SCOC: variants seen among roughly 807,000 people sequenced by gnomAD.
SCOC encodes short coiled-coil protein.
Under a neutral mutation model 9.9 loss-of-function variants are expected in SCOC, and 7 were observed. The observed-to-expected ratio is 0.71, with a 90% CI of 0.40 to 1.33. SCOC has a LOEUF of 1.33. Among genes scored for constraint, SCOC ranks in the 40% most tolerant of loss-of-function variants. SCOC has a pLI of 0.01. For synonymous variants in SCOC, 19 were observed against 28.2 expected (o/e 0.67, Z 1.03); for missense variants, 66 against 89.7 (o/e 0.74, Z 1.07).
intron 1 of SCOC, among the ~76,000 whole-genome samples, chr4:140,281,844 A>T (rs1405535383): frequency 2.6e-5 from 4 of 152,002 alleles, no homozygotes; most frequent in African/African-American, 9.7e-5. Flanking sequence ...GCGAGGGGGG[A>T]CCCTAGTATC....
intron 1 of SCOC, among the ~76,000 whole-genome samples, chr4:140,298,962 C>T (rs1731732517): frequency 1.3e-5 from 2 of 152,064 alleles, no homozygotes; most frequent in Admixed American, 6.5e-5. Context: ...ACCACAGGCA[C>T]ACACTGAAAT....
chr4:140,262,746 A>T (rs1578751545), intron 1 of SCOC, among the ~76,000 whole-genome samples: 1 of 152,090 alleles, frequency 6.6e-6, no homozygotes, highest in Non-Finnish European at 1.5e-5. Flanking sequence ...TTGGCTGGGG[A>T]GGCCTCAGGA....
At chr4:140,297,829 G>C (rs890766654) in intron 1 of SCOC, among the ~76,000 whole-genome samples, 1 of 152,126 alleles carries the variant, frequency 6.6e-6, no homozygotes, top group Non-Finnish European at 1.5e-5. Context: ...TACAAGACTC[G>C]TTAACTTCCT....
At chr4:140,287,583 A>G (rs975770992) in intron 1 of SCOC, among the ~76,000 whole-genome samples, 1 of 152,034 alleles carries the variant, frequency 6.6e-6, no homozygotes, top group Admixed American at 6.6e-5. Context: ...GCACATGCAT[A>G]TACCATATAT....
At chr4:140,304,580 A>G (rs757901909) in intron 1 of SCOC, among the ~76,000 whole-genome samples, 18 of 152,226 alleles carry the variant, frequency 1.2e-4, no homozygotes, top group Non-Finnish European at 2.6e-4. Flanking sequence ...TAAGCAACAG[A>G]TACTAATGTC....
At chr4:140,274,590 C>A (rs1186508553) in intron 1 of SCOC, among the ~76,000 whole-genome samples, 1 of 152,214 alleles carries the variant, frequency 6.6e-6, no homozygotes, top group African/African-American at 2.4e-5. Flanking sequence ...CTTCAGCCAG[C>A]AGCTGTGTTC....
upstream of SCOC, among the ~76,000 whole-genome samples, chr4:140,371,896 C>T (rs2668575): frequency 0.8 from 121,498 of 152,198 alleles, 48,711 homozygotes; most frequent in Non-Finnish European, 0.84. Context: ...CAAAATGTGG[C>T]ATAATACACA....
intron 1 of SCOC, among the ~76,000 whole-genome samples, chr4:140,268,104 G>C (rs1730769916): frequency 6.6e-6 from 1 of 152,198 alleles, no homozygotes; most frequent in Non-Finnish European, 1.5e-5. Context: ...ATTGATTTGG[G>C]ATGGGGTGAA....
intron 1 of SCOC, among the ~76,000 whole-genome samples, chr4:140,275,411 T>G (rs1730957858): frequency 6.6e-6 from 1 of 152,314 alleles, no homozygotes; most frequent in African/African-American, 2.4e-5. Flanking sequence ...TATGATAGCC[T>G]TTACCAAGTT....
At chr4:140,343,671 C>G (rs1191745851) in exon 2 of SCOC, 1 of 1,613,574 alleles carries the variant, frequency 6.2e-7, no homozygotes, top group African/African-American at 1.3e-5. Context: ...AGGAGGAAGA[C>G]AGCACATTCA....
chr4:140,329,671 T>C (rs1183551067), intron 1 of SCOC, among the ~76,000 whole-genome samples: 1 of 152,056 alleles, frequency 6.6e-6, no homozygotes, highest in Admixed American at 6.6e-5. Flanking sequence ...AAAGAAGATA[T>C]ACAAATGGCC....
rs1343489320 is a variant in SCOC, at chr4:140,385,129, A to G, written c.*4025A>G. 1 of 152,242 alleles carries G rather than the reference A, an allele frequency of 6.6e-6. No individual in the cohort carries two copies. Among genetic ancestry groups the G allele is most frequent in the Non-Finnish European group, 1.5e-5 (1 of 68,058 alleles). 9.4% of individuals were successfully genotyped at this position (152,242 alleles called of 1,614,324 possible). On this transcript the variant is annotated 3_prime_UTR_variant, in exon 4 of 4. Coordinates refer to ENST00000608372, the MANE Select transcript of SCOC (RefSeq NM_001153484.2). ...GTTTCCCAATACAAATTTCCCCAGT[A>G]TTGACACTGCCATTCTATGCAAAAT...
chr4:140,374,922 G>A (rs963491640), intron 1 of SCOC, among the ~76,000 whole-genome samples: 1 of 152,186 alleles, frequency 6.6e-6, no homozygotes, highest in African/African-American at 2.4e-5. Context: ...AATAACATAT[G>A]CAAAGCATTT....
intron 1 of SCOC, among the ~76,000 whole-genome samples, chr4:140,288,003 A>G (rs971196758): frequency 6.6e-6 from 1 of 151,980 alleles, no homozygotes; most frequent in Non-Finnish European, 1.5e-5. Flanking sequence ...CATGCACCAC[A>G]CATGTACATA....
intron 2 of SCOC, among the ~76,000 whole-genome samples, chr4:140,347,844 TAC>T (rs1330520607): frequency 6.6e-6 from 1 of 152,220 alleles, no homozygotes; most frequent in Non-Finnish European, 1.5e-5. Flanking sequence ...ACATTACTCT[TAC>T]TATGGTTTAT....
intron 1 of SCOC, among the ~76,000 whole-genome samples, chr4:140,332,069 T>C (rs1234850094): frequency 1.3e-5 from 2 of 152,056 alleles, no homozygotes; most frequent in Non-Finnish European, 2.9e-5. Context: ...TCTTGAAAAC[T>C]CTTATCATGT....
At chr4:140,329,959 AC>A (rs1264784299) in intron 1 of SCOC, among the ~76,000 whole-genome samples, 1 of 152,196 alleles carries the variant, frequency 6.6e-6, no homozygotes, top group East Asian at 1.9e-4. Flanking sequence ...CTACGTATCT[AC>A]CCAGAGGAAA....
At chr4:140,291,480 G>A (rs1731469812) in intron 1 of SCOC, 1 of 457,294 alleles carries the variant, frequency 2.2e-6, no homozygotes, top group South Asian at 1.5e-5. Context: ...CATTGTAATG[G>A]ATCCATATGC....
intron 1 of SCOC, among the ~76,000 whole-genome samples, chr4:140,294,176 AG>A (rs1731556815): frequency 6.6e-6 from 1 of 152,216 alleles, no homozygotes; most frequent in African/African-American, 2.4e-5. Flanking sequence ...CAGGTATGTC[AG>A]CCCACATCAC....
Sources: allele counts gnomAD v4.1 joint callset (sites outside exome capture counted in the v4.1 genomes callset), GRCh38; gene constraint gnomAD v4.1.1; transcripts MANE v1.5; gene names NCBI Gene and HGNC (gene_info 2026-07-23, HGNC 2026-07-21).